The following PPP1R9A variants were observed in gnomAD, a reference collection of about 807,000 sequenced individuals.
PPP1R9A encodes neurabin-1.
A neutral mutation model predicts 141.9 loss-of-function variants in PPP1R9A; 59 were observed. That is an observed-to-expected ratio of 0.42 (90% confidence interval 0.34 to 0.52). The LOEUF is 0.52. Ranked by LOEUF, PPP1R9A falls within the 20% of genes least tolerant of loss-of-function variation. The probability of loss-of-function intolerance (pLI) is 0.10; values close to 1 mark genes in which losing one functional copy is unlikely to be tolerated. For synonymous variants in PPP1R9A, 500 were observed against 569.7 expected (o/e 0.88, Z 1.74); for missense variants, 1,444 against 1,611.9 (o/e 0.90, Z 1.78).
chr7:95,092,126 A>G (rs1817437745), intron 2 of PPP1R9A, among the ~76,000 whole-genome samples: 1 of 152,180 alleles, frequency 6.6e-6, no homozygotes, highest in African/African-American at 2.4e-5. Context: ...ATTGAAGGAA[A>G]ACGCCATTCA....
At chr7:94,937,365 C>T (rs1210447582) in intron 2 of PPP1R9A, among the ~76,000 whole-genome samples, 1 of 152,238 alleles carries the variant, frequency 6.6e-6, no homozygotes. Flanking sequence ...TTGTTATATC[C>T]TCAGCACTGA....
At chr7:95,037,757 A>G (rs573308759) in intron 2 of PPP1R9A, among the ~76,000 whole-genome samples, 2 of 152,230 alleles carry the variant, frequency 1.3e-5, no homozygotes, top group Admixed American at 1.3e-4. Flanking sequence ...GATTAATATA[A>G]AAATTAGATA....
At chr7:95,109,955 G>T (rs1820260126) in intron 2 of PPP1R9A, among the ~76,000 whole-genome samples, 1 of 152,216 alleles carries the variant, frequency 6.6e-6, no homozygotes, top group East Asian at 1.9e-4. Context: ...ATGGAAATGT[G>T]CATTTTGATG....
intron 16 of PPP1R9A, among the ~76,000 whole-genome samples, chr7:95,276,815 GA>G (rs1803300190): frequency 6.6e-6 from 1 of 152,180 alleles, no homozygotes; most frequent in Non-Finnish European, 1.5e-5. Context: ...AAAAAATTTT[GA>G]GCTGCTATAG....
intron 12 of PPP1R9A, among the ~76,000 whole-genome samples, chr7:95,262,632 G>A (rs1036652791): frequency 5.3e-5 from 8 of 152,162 alleles, no homozygotes; most frequent in African/African-American, 1.9e-4. Flanking sequence ...GAGAACAGGA[G>A]TGTAGGCTGA....
chr7:95,052,167 CT>C (rs1296747790), intron 2 of PPP1R9A, among the ~76,000 whole-genome samples: 3 of 152,060 alleles, frequency 2.0e-5, no homozygotes, highest in African/African-American at 7.2e-5. Flanking sequence ...CATTGCCTCT[CT>C]TTACTATAAG....
intron 4 of PPP1R9A, among the ~76,000 whole-genome samples, chr7:95,161,607 T>A (rs927632506): frequency 2.0e-5 from 3 of 152,216 alleles, no homozygotes; most frequent in Admixed American, 6.5e-5. Flanking sequence ...GCTGTGTAGT[T>A]AAGTTTTTTA....
intron 2 of PPP1R9A, among the ~76,000 whole-genome samples, chr7:95,078,604 A>T (rs1242487037): frequency 6.6e-6 from 1 of 152,160 alleles, no homozygotes; most frequent in African/African-American, 2.4e-5. Flanking sequence ...ACAACAGTGT[A>T]AAAGTGTTCT....
chr7:95,133,663 A>G (rs1825092222), intron 4 of PPP1R9A, among the ~76,000 whole-genome samples: 1 of 151,866 alleles, frequency 6.6e-6, no homozygotes, highest in African/African-American at 2.4e-5. Context: ...CCAGAAGACC[A>G]TGTCCAGGTG....
At chr7:95,083,900 C>T (rs1816266959) in intron 2 of PPP1R9A, among the ~76,000 whole-genome samples, 1 of 151,880 alleles carries the variant, frequency 6.6e-6, no homozygotes, top group Admixed American at 6.6e-5. Flanking sequence ...AAAACTACAC[C>T]AAGTTGCAAT....
chr7:94,947,415 G>A (rs1796011580), intron 2 of PPP1R9A, among the ~76,000 whole-genome samples: 1 of 152,144 alleles, frequency 6.6e-6, no homozygotes, highest in African/African-American at 2.4e-5. Context: ...TATATCCTGA[G>A]CCTAAGTCCT....
chr7:95,152,488 A>G (rs541723328), intron 4 of PPP1R9A, among the ~76,000 whole-genome samples: 37 of 152,264 alleles, frequency 2.4e-4, no homozygotes, highest in African/African-American at 8.7e-4. Flanking sequence ...CCCATATGTT[A>G]TAAATCAAGG....
chr7:95,179,816 C>T (rs1833470266), intron 5 of PPP1R9A, among the ~76,000 whole-genome samples: 6 of 144,670 alleles, frequency 4.1e-5, no homozygotes, highest in African/African-American at 1.5e-4. Flanking sequence ...ATATACCTAA[C>T]CAAGAAGGGG....
chr7:95,001,869 CA>C lies in PPP1R9A; in HGVS notation c.1395+90363del, dbSNP rs1189961201. On this transcript the variant is annotated intron_variant, in intron 2 of 19. Transcript: ENST00000433360. ...GAAAAACAAACAAACAAAAAAAACA[CA>C]AGGGAAACCATAGAGCTCTTCCTGA... 5.3e-5 allele frequency among the ~76,000 whole-genome samples: 8 copies of C among 152,070 alleles called. No homozygotes were observed. In the South Asian group the frequency reaches 1.7e-3, roughly 32 times the overall value.
chr7:95,227,705 G>A (rs1795340876), intron 8 of PPP1R9A, among the ~76,000 whole-genome samples: 1 of 152,174 alleles, frequency 6.6e-6, no homozygotes, highest in Non-Finnish European at 1.5e-5. Context: ...TACTGACCCT[G>A]GTGTAGACTG....
intron 5 of PPP1R9A, among the ~76,000 whole-genome samples, chr7:95,170,643 A>G (rs1831963822): frequency 1.3e-5 from 2 of 151,532 alleles, no homozygotes; most frequent in Non-Finnish European, 3.0e-5. Context: ...AGCTTTCAAA[A>G]TTGAAGATGA....
chr7:95,054,688 CT>C (rs1811278458), intron 2 of PPP1R9A, among the ~76,000 whole-genome samples: 2 of 152,258 alleles, frequency 1.3e-5, no homozygotes, highest in South Asian at 4.1e-4. Context: ...TCTTCCACAT[CT>C]GACCTTTTTC....
intron 5 of PPP1R9A, among the ~76,000 whole-genome samples, chr7:95,174,691 G>T (rs1482953906): frequency 1.3e-5 from 2 of 152,040 alleles, no homozygotes; most frequent in East Asian, 1.9e-4. Context: ...TAGATTTTAT[G>T]GTTCTGTGTA....
chr7:95,176,927 C>T (rs1168627068), intron 5 of PPP1R9A, among the ~76,000 whole-genome samples: 2 of 152,122 alleles, frequency 1.3e-5, no homozygotes, highest in African/African-American at 2.4e-5. Flanking sequence ...CAAATCTAAA[C>T]GTTTGGACAA....
Sources: gnomAD v4.1 joint callset for allele counts (sites outside exome capture counted in the v4.1 genomes callset) on GRCh38, gnomAD v4.1.1 for gene constraint, MANE v1.5 for transcripts, NCBI Gene and HGNC (gene_info 2026-07-23, HGNC 2026-07-21) for gene names.